ESYT2: variants seen among roughly 807,000 people sequenced by gnomAD.
The protein encoded by ESYT2 is extended synaptotagmin-2.
Under a neutral mutation model 107.2 loss-of-function variants are expected in ESYT2, and 54 were observed. That is an observed-to-expected ratio of 0.50 (90% confidence interval 0.40 to 0.63). The LOEUF (loss-of-function observed/expected upper bound fraction) is 0.63. Ranked by LOEUF, ESYT2 falls within the 30% of genes least tolerant of loss-of-function variation. The pLI is 0.00. For missense variants in ESYT2, 1,020 were observed against 1,094.5 expected, an observed-to-expected ratio of 0.93 and a Z score of 0.96; for synonymous variants, 491 against 434.1, an observed-to-expected ratio of 1.13 and a Z score of -1.63.
At chr7:158,753,392 C>G (rs532955419) in intron 13 of ESYT2, among the ~76,000 whole-genome samples, 1 of 152,126 alleles carries the variant, frequency 6.6e-6, no homozygotes, top group African/African-American at 2.4e-5. Flanking sequence ...CCCACAGAAG[C>G]TTCTTGGGCT....
intron 17 of ESYT2, among the ~76,000 whole-genome samples, chr7:158,743,301 C>A (rs957083681): frequency 2.1e-4 from 32 of 152,200 alleles, no homozygotes; most frequent in African/African-American, 7.7e-4. Context: ...CTCGGGCAAC[C>A]TGGAAACGTG....
At chr7:158,760,001 T>C in intron 12 of ESYT2, 57 bp downstream of exon 12, 1 of 1,508,340 alleles carries the variant, frequency 6.6e-7, no homozygotes, top group South Asian at 1.1e-5. Context: ...GAGACCAAGC[T>C]CAGTTATGAG....
intron 6 of ESYT2, among the ~76,000 whole-genome samples, chr7:158,775,231 G>A (rs1244039894): frequency 2.6e-5 from 4 of 152,110 alleles, no homozygotes; most frequent in Admixed American, 1.3e-4. Flanking sequence ...AGCCTTCAGC[G>A]CGTCATAATC....
chr7:158,768,619 T>C (rs1433330000), intron 7 of ESYT2, among the ~76,000 whole-genome samples: 1 of 152,062 alleles, frequency 6.6e-6, no homozygotes, highest in South Asian at 2.1e-4. Context: ...GGGTTCACCA[T>C]GTTGGCGAGG....
At chr7:158,792,906 C>G (rs370462686) in intron 4 of ESYT2, among the ~76,000 whole-genome samples, 13 of 151,586 alleles carry the variant, frequency 8.6e-5, no homozygotes, top group African/African-American at 3.1e-4. Context: ...GTAGCTGGGA[C>G]TACAGGCGCC....
chr7:158,816,423 C>G (rs1460183268), intron 1 of ESYT2, among the ~76,000 whole-genome samples: 1 of 152,202 alleles, frequency 6.6e-6, no homozygotes, highest in Non-Finnish European at 1.5e-5. Context: ...AGAATGGCCC[C>G]ATGAGGATGA....
Position 158,763,179 on chromosome 7 carries a change from G to T in ESYT2, c.1102-14C>A. The T allele has an allele frequency of 6.2e-7, 1 of 1,604,344 alleles. No individual in the cohort carries two copies. The highest frequency in any genetic ancestry group is 8.5e-7 in the Non-Finnish European group (1 of 1,172,994). On this transcript the variant is annotated splice_polypyrimidine_tract_variant and intron_variant, in intron 9 of 22. Transcript: ENST00000275418. The stretch of plus-strand genomic sequence containing the variant: ...ATACACTAAAGCCTAAAACATCAAT[G>T]GTTAGTAGTTAAGTGCATTTTTACT...
chr7:158,787,461 A>G (rs1159248222), intron 6 of ESYT2, among the ~76,000 whole-genome samples: 1 of 152,170 alleles, frequency 6.6e-6, no homozygotes, highest in Non-Finnish European at 1.5e-5. Context: ...GAGGAAGGAG[A>G]TGCATGCTAA....
intron 13 of ESYT2, among the ~76,000 whole-genome samples, chr7:158,754,429 T>C (rs879429301): frequency 6.6e-6 from 1 of 152,020 alleles, no homozygotes; most frequent in Non-Finnish European, 1.5e-5. Context: ...GCCAGGATGG[T>C]CTTGATCTCT....
chr7:158,828,007 A>G (rs1840506341), intron 1 of ESYT2, among the ~76,000 whole-genome samples: 1 of 152,152 alleles, frequency 6.6e-6, no homozygotes, highest in Non-Finnish European at 1.5e-5. Flanking sequence ...AAATAATACC[A>G]TGACTCTTGT....
intron 7 of ESYT2, among the ~76,000 whole-genome samples, chr7:158,771,279 A>C (rs1257293106): frequency 6.6e-6 from 1 of 152,188 alleles, no homozygotes; most frequent in African/African-American, 2.4e-5. Context: ...CTCCTATGAT[A>C]CTGAAGGGAG....
intron 1 of ESYT2, among the ~76,000 whole-genome samples, chr7:158,802,021 C>T (rs1839661123): frequency 1.3e-5 from 2 of 152,152 alleles, no homozygotes; most frequent in Non-Finnish European, 2.9e-5. Context: ...TAAAGAGATC[C>T]AGACCCAAAG....
intron 6 of ESYT2, among the ~76,000 whole-genome samples, chr7:158,783,354 T>G (rs895710499): frequency 6.6e-6 from 1 of 152,198 alleles, no homozygotes; most frequent in Non-Finnish European, 1.5e-5. Flanking sequence ...ACCTGACCAG[T>G]GCTGTATGCC....
intron 6 of ESYT2, among the ~76,000 whole-genome samples, chr7:158,777,521 G>A (rs1208794725): frequency 1.3e-5 from 2 of 152,044 alleles, no homozygotes; most frequent in African/African-American, 4.8e-5. Flanking sequence ...TTCTAAAAGT[G>A]GCTGTTTCTC....
intron 18 of ESYT2, 152 bp from the exon 19 acceptor site, chr7:158,739,273 G>A: frequency 1.6e-6 from 1 of 616,950 alleles, no homozygotes; most frequent in Non-Finnish European, 2.8e-6. Context: ...GAAACTTCTG[G>A]GTACAAGTCA....
Position 158,807,368 on chromosome 7 carries a change from G to C in ESYT2, c.331-8296C>G, listed in dbSNP as rs150523876. 2.7e-3 allele frequency among the ~76,000 whole-genome samples: 403 copies of C among 151,494 alleles called. 8 individuals carry two copies. In the South Asian group the frequency reaches 0.04, roughly 15 times the overall value. On this transcript the variant is annotated intron_variant, in intron 1 of 22. Transcript: ENST00000275418. The stretch of plus-strand genomic sequence containing the variant: ...TTATCTGTGAATTTTACATTTTGAA[G>C]AAATAAGTTTATGTATCTCCTAGGA...
chr7:158,781,033 AGT>A (rs1243623278), intron 6 of ESYT2, among the ~76,000 whole-genome samples: 6 of 152,378 alleles, frequency 3.9e-5, no homozygotes, highest in African/African-American at 1.2e-4. Context: ...AAAGAAAATA[AGT>A]GTGAGAATAT....
At chr7:158,743,191 A>G (rs1031897493) in intron 17 of ESYT2, among the ~76,000 whole-genome samples, 1 of 152,182 alleles carries the variant, frequency 6.6e-6, no homozygotes, top group Non-Finnish European at 1.5e-5. Flanking sequence ...GACTTAGGAG[A>G]AAACCTTGTT....
chr7:158,734,677 C>G (rs192793475), intron 21 of ESYT2, among the ~76,000 whole-genome samples: 1 of 152,362 alleles, frequency 6.6e-6, no homozygotes, highest in African/African-American at 2.4e-5. Context: ...TTGGTCCCAG[C>G]AACTCGGGAG....
Sources: allele counts gnomAD v4.1 joint callset (sites outside exome capture counted in the v4.1 genomes callset), GRCh38; gene constraint gnomAD v4.1.1; transcripts MANE v1.5; gene names NCBI Gene and HGNC (gene_info 2026-07-23, HGNC 2026-07-21).